ZNF43: variants seen among roughly 807,000 people sequenced by gnomAD.
ZNF43 encodes the protein zinc finger protein 43.
A neutral mutation model predicts 68.4 loss-of-function variants in ZNF43; 44 were observed. That is an observed-to-expected ratio of 0.64 (90% CI 0.51 to 0.83). ZNF43 has a LOEUF of 0.83. ZNF43 is among the 40% of genes least tolerant of loss of function. ZNF43 has a pLI of 0.00. For synonymous variants in ZNF43, 308 were observed against 307.8 expected, an observed-to-expected ratio of 1.00 and a Z score of -0.01; for missense variants, 896 against 933.2, an observed-to-expected ratio of 0.96 and a Z score of 0.52.
chr19:21,816,375 C>A (rs1006066632), intron 3 of ZNF43, among the ~76,000 whole-genome samples: 1 of 152,146 alleles, frequency 6.6e-6, no homozygotes, highest in Non-Finnish European at 1.5e-5. Context: ...TCCAGGCAGG[C>A]AGTTGTAAAA....
At chr19:21,839,882 T>C (rs1967396969), upstream of ZNF43, 1 of 152,198 alleles carries the variant, frequency 6.6e-6, no homozygotes, top group South Asian at 2.1e-4. Flanking sequence ...ACTTCATTTT[T>C]GGTGTTTAGC....
At chr19:21,827,747 C>T (rs1343278931) in intron 1 of ZNF43, among the ~76,000 whole-genome samples, 3 of 151,124 alleles carry the variant, frequency 2.0e-5, no homozygotes, top group Non-Finnish European at 2.9e-5. Flanking sequence ...CTGCAACCTC[C>T]GCCTCCCAGG....
intron 1 of ZNF43, among the ~76,000 whole-genome samples, chr19:21,844,921 A>T (rs12972165): frequency 0.29 from 7,196 of 24,738 alleles, 1,198 homozygotes; most frequent in Non-Finnish European, 0.37. Context: ...AAAAAAAAAA[A>T]ATATATATAT....
chr19:21,808,862 T>A lies in ZNF43; in HGVS notation c.1175A>T (p.His392Leu), dbSNP rs763005421. ...SSNLTKHKKIHTEKKPYKCEE... is the reference protein window; with the variant it reads ...SSNLTKHKKILTEKKPYKCEE... The stretch of plus-strand genomic sequence containing the variant: ...ACATTTGTAGGGTTTCTTTTCAGTA[T>A]GAATTTTCTTATGTTTAGTAAGGTT... Residue 392 changes from histidine to leucine, a missense_variant, in exon 4 of 4, where the codon CAT (histidine) becomes CTT (leucine). Physicochemically the swap from His to Leu is moderately conservative, Grantham distance 99 (BLOSUM62 -3). Coordinates refer to ENST00000354959, the MANE Select transcript of ZNF43 (RefSeq NM_003423.4). 6.2e-7 allele frequency: 1 copy of A among 1,613,818 alleles called. No homozygotes were observed. Among genetic ancestry groups the A allele is most frequent in the East Asian group, 2.2e-5 (1 of 44,842 alleles).
In ZNF43 at chr19:21,808,452, T is replaced by G. The variant is rs1316314524; in HGVS notation, c.1585A>C (p.Lys529Gln). The stretch of plus-strand genomic sequence containing the variant: ...GGTTTCTCTCCAGTATGAGTTATCT[T>G]ATGTTCAGTAAGCTTTGAGGACCAC... ...FKWSSKLTEHKITHTGEKPYK... is the reference protein window; with the variant it reads ...FKWSSKLTEHQITHTGEKPYK... The change falls in exon 4 of 4, where the codon AAG (lysine) becomes CAG (glutamine). Residue 529 changes from lysine (K) to glutamine (Q), a missense_variant. Coordinates refer to ENST00000354959, the MANE Select transcript of ZNF43 (RefSeq NM_003423.4). The G allele has an allele frequency of 3.7e-6, 6 of 1,613,230 alleles. No individual in the cohort carries two copies. Among genetic ancestry groups the G allele is most frequent in the East Asian group, 2.2e-5 (1 of 44,874 alleles).
intron 1 of ZNF43, among the ~76,000 whole-genome samples, chr19:21,824,417 G>C (rs2038008525): frequency 6.6e-6 from 1 of 152,096 alleles, no homozygotes; most frequent in Non-Finnish European, 1.5e-5. Context: ...TACACCTGGA[G>C]CCTCTCACGT....
intron 1 of ZNF43, among the ~76,000 whole-genome samples, chr19:21,825,142 G>A (rs953672373): frequency 6.6e-6 from 1 of 152,134 alleles, no homozygotes; most frequent in Admixed American, 6.6e-5. Flanking sequence ...GCTAAGGCAG[G>A]AGAACTGCTT....
chr19:21,837,480 AG>A (rs1470112746), upstream of ZNF43, among the ~76,000 whole-genome samples: 2 of 127,212 alleles, frequency 1.6e-5, no homozygotes, highest in Non-Finnish European at 3.1e-5. Context: ...GCTGGAGTGC[AG>A]TGGCACAATC....
exon 1 of ZNF43, chr19:21,851,975 A>C: frequency 6.5e-7 from 1 of 1,536,090 alleles, no homozygotes; most frequent in Non-Finnish European, 8.7e-7. Flanking sequence ...TCACAGGGTA[A>C]CGGAGGCTGC....
At chr19:21,835,873 C>G (rs910440407) in intron 1 of ZNF43, among the ~76,000 whole-genome samples, 163 bp downstream of exon 1, 4 of 152,184 alleles carry the variant, frequency 2.6e-5, no homozygotes, top group African/African-American at 9.6e-5. Flanking sequence ...GACAGGACGC[C>G]CGGGGCTGCC....
rs369753882 is a variant in ZNF43 at position 21,826,837 on chromosome 19, C to CA, written c.4-7617dup. 7.8e-3 allele frequency: 1,036 copies of CA among 132,688 alleles called. 13 individuals carry two copies. The highest frequency in any genetic ancestry group is 0.015 in the African/African-American group (542 of 35,054). 8.2% of individuals were successfully genotyped at this position (132,688 alleles called of 1,614,324 possible). ...GCGACAGAGTGAGACTCTTTGTCTC[C>CA]AAAAAAAAAAAACTGTTGGGTTTTC... On this transcript the variant is annotated intron_variant, in intron 1 of 3. Transcript: ENST00000354959.
chr19:21,821,102 T>G (rs1363177549), intron 1 of ZNF43, among the ~76,000 whole-genome samples: 1 of 150,938 alleles, frequency 6.6e-6, no homozygotes, highest in East Asian at 1.9e-4. Context: ...CTCAAAGTGG[T>G]GGGATTACAG....
intron 1 of ZNF43, among the ~76,000 whole-genome samples, chr19:21,844,921 AATATATATATAT>A (rs1181354510): frequency 3.8e-5 from 1 of 26,052 alleles, no homozygotes; most frequent in Non-Finnish European, 6.2e-5. Flanking sequence ...AAAAAAAAAA[AATATATATATAT>A]ATATATATAT....
chr19:21,829,207 G>C (rs768787569), intron 1 of ZNF43, among the ~76,000 whole-genome samples: 2 of 151,836 alleles, frequency 1.3e-5, no homozygotes, highest in Non-Finnish European at 2.9e-5. Flanking sequence ...CTGGGTGACA[G>C]AGTGAGACTC....
intron 1 of ZNF43, 33 bp downstream of exon 1, chr19:21,836,003 C>A: frequency 6.2e-7 from 1 of 1,613,800 alleles, no homozygotes; most frequent in South Asian, 1.1e-5. Flanking sequence ...ACAGCCCCTT[C>A]CCCCTCTCGG....
In ZNF43 at chr19:21,807,978, A is replaced by C; in HGVS notation, c.2059T>G (p.Phe687Val). 1 of 1,612,848 alleles carries C rather than the reference A, an allele frequency of 6.2e-7. No homozygotes were observed. Among genetic ancestry groups the C allele is most frequent in the Non-Finnish European group, 8.5e-7 (1 of 1,179,850 alleles). The change falls in exon 4 of 4, where the codon TTT becomes GTT. Residue 687 changes from phenylalanine (F) to valine (V), a missense_variant. Physicochemically the swap from Phe to Val is conservative, Grantham distance 50. Transcript: ENST00000354959. The stretch of plus-strand genomic sequence containing the variant: ...GTAGAAAGGGTTGAGGACAGTTTAA[A>C]AGCTTTGCCACATTCTTCACATTTG... The part of the protein sequence containing the change: ...PYKCEECGKA[F>V]KLSSTLSTHK...
At chr19:21,834,145 C>G (rs2038567646) in intron 1 of ZNF43, among the ~76,000 whole-genome samples, 1 of 151,516 alleles carries the variant, frequency 6.6e-6, no homozygotes, top group South Asian at 2.1e-4. Flanking sequence ...CGAGACCAGC[C>G]TGGTCAACAT....
Position 21,806,655 on chromosome 19 carries a change from A to C in ZNF43, c.*952T>G, listed in dbSNP as rs2036956682. 1 of 151,570 alleles carries C rather than the reference A, an allele frequency of 6.6e-6. No homozygotes were observed. The highest frequency in any genetic ancestry group is 6.6e-5 in the Admixed American group (1 of 15,262). 9.4% of individuals were successfully genotyped at this position (151,570 alleles called of 1,614,324 possible). A position where few individuals can be genotyped will look rare whatever the true frequency, so the allele number is the denominator to read the frequency against. ...AATTACATCATTATTCACTAATTTA[A>C]AAATCAGTAATTTTTTCAAGATAAA... is the stretch of plus-strand genomic sequence containing the variant. On this transcript the variant is annotated 3_prime_UTR_variant, in exon 4 of 4. Coordinates refer to ENST00000354959, the MANE Select transcript of ZNF43 (RefSeq NM_003423.4).
At chr19:21,841,805 T>C (rs1473848786) in intron 1 of ZNF43, among the ~76,000 whole-genome samples, 3 of 152,226 alleles carry the variant, frequency 2.0e-5, no homozygotes, top group Non-Finnish European at 4.4e-5. Flanking sequence ...ACTTAGGTGA[T>C]AAACAAATGA....
Sources: gnomAD v4.1 joint callset for allele counts (sites outside exome capture counted in the v4.1 genomes callset) on GRCh38, gnomAD v4.1.1 for gene constraint, MANE v1.5 for transcripts, NCBI Gene and HGNC (gene_info 2026-07-23, HGNC 2026-07-21) for gene names.